Variants in IL17RA observed in about 807,000 individuals in gnomAD.
IL17RA encodes interleukin-17 receptor A.
Under a neutral mutation model 50.4 loss-of-function variants are expected in IL17RA, and 34 were observed. The ratio of observed to expected loss-of-function variants is 0.67; its 90% confidence interval spans 0.51 to 0.90. The LOEUF (loss-of-function observed/expected upper bound fraction) is 0.90. IL17RA is among the 40% of genes least tolerant of loss of function. The pLI is 0.00. For missense variants in IL17RA, 1,276 were observed against 1,169.8 expected (o/e 1.09, Z -1.32); for synonymous variants, 585 against 510.4 (o/e 1.15, Z -1.97).
intron 1 of IL17RA, among the ~76,000 whole-genome samples, chr22:17,095,666 C>T (rs1192642731): frequency 6.6e-6 from 1 of 151,992 alleles, no homozygotes; most frequent in African/African-American, 2.4e-5. Flanking sequence ...GGGAGTTAAT[C>T]TTCTCGCCAT....
Position 17,088,609 on chromosome 22 carries a change from C to T in IL17RA, c.138+3380C>T, listed in dbSNP as rs41469546. 6.4e-3 allele frequency among the ~76,000 whole-genome samples: 977 copies of T among 152,250 alleles called. 8 individuals are homozygous for T. The highest frequency in any genetic ancestry group is 7.6e-3 in the Non-Finnish European group (516 of 68,000). Reference sequence around the variant, plus strand: ...TGAGCGATTCTTCTGCCTCAGCCTCCCAAGTAGCTGGGACTAGCAGGCATG... The same window carrying T: ...TGAGCGATTCTTCTGCCTCAGCCTCTCAAGTAGCTGGGACTAGCAGGCATG... On this transcript the variant is annotated intron_variant, in intron 1 of 12. Transcript: ENST00000319363.
At chr22:17,099,810 A>G (rs1334145467) in intron 4 of IL17RA, among the ~76,000 whole-genome samples, 1 of 152,146 alleles carries the variant, frequency 6.6e-6, no homozygotes, top group East Asian at 1.9e-4. Context: ...CCCAGAAAAT[A>G]ACTTAGCACA....
chr22:17,104,421 C>T (rs1284986853), intron 8 of IL17RA, among the ~76,000 whole-genome samples: 2 of 151,864 alleles, frequency 1.3e-5, no homozygotes, highest in Non-Finnish European at 2.9e-5. Context: ...GAGTGGGGAG[C>T]GTGCACAGTC....
At position 17,108,586 on chromosome 22, in the gene IL17RA, A is replaced by G; in HGVS notation, c.1367A>G (p.Gln456Arg). ...TCCCGCGGCACGCGCGCCAAGTGGC[A>G]GGCGCTCCTGGGCCGGGGGGCGCCT... ...LCSRGTRAKW[Q>R]ALLGRGAPVR... is the part of the protein sequence containing the mutation. Residue 456 changes from glutamine to arginine, a missense_variant, in exon 13 of 13, where the codon CAG (glutamine) becomes CGG (arginine). Gln to Arg is a conservative substitution (Grantham distance 43). Transcript: ENST00000319363. 6.2e-7 allele frequency: 1 copy of G among 1,605,666 alleles called. No individual in the cohort carries two copies. Among genetic ancestry groups the G allele is most frequent in the Non-Finnish European group, 8.5e-7 (1 of 1,179,778 alleles).
chr22:17,097,864 G>A lies in IL17RA; in HGVS notation c.231G>A (p.Gln77=). 1 of 1,614,192 alleles carries A rather than the reference G, an allele frequency of 6.2e-7. No homozygotes were observed. The highest frequency in any genetic ancestry group is 1.1e-5 in the South Asian group (1 of 91,084). Reference sequence around the variant, plus strand: ...CCCCCTCCTCCCCAAAGGACCTGCAGATCCAGCTGCACTTTGCCCACACCC... The same window carrying A: ...CCCCCTCCTCCCCAAAGGACCTGCAAATCCAGCTGCACTTTGCCCACACCC... ...NLTPSSPKDL[Q]IQLHFAHTQQ... Residue 77 remains glutamine, a synonymous_variant, in exon 3 of 13, where the codon CAG becomes CAA. Coordinates refer to ENST00000319363, the MANE Select transcript of IL17RA (RefSeq NM_014339.7).
Position 17,112,442 on chromosome 22 carries a change from C to T in IL17RA, c.*2622C>T, listed in dbSNP as rs1308227696. Reference sequence around the variant, plus strand: ...GAAATCCAGCCCCCCTTAGTCACCACCCCAACCTCCCCATCCCTAGGCACC... The same window carrying T: ...GAAATCCAGCCCCCCTTAGTCACCATCCCAACCTCCCCATCCCTAGGCACC... On this transcript the variant is annotated 3_prime_UTR_variant, in exon 13 of 13. Transcript: ENST00000319363. 1.3e-5 allele frequency: 2 copies of T among 152,014 alleles called. No homozygotes were observed. The highest frequency in any genetic ancestry group is 2.4e-5 in the African/African-American group (1 of 41,346). The allele number at this position is 152,014 out of a possible 1,614,324, so 9.4% of individuals were successfully genotyped here. A position where few individuals can be genotyped will look rare whatever the true frequency, so the allele number is the denominator to read the frequency against.
chr22:17,097,697 G>A, intron 2 of IL17RA, 100 bp from the exon 3 acceptor site: 2 of 1,457,002 alleles, frequency 1.4e-6, no homozygotes, highest in Non-Finnish European at 1.9e-6. Flanking sequence ...AAGGCCGCGG[G>A]CCCCTGAGCT....
At chr22:17,101,322 G>T (rs1195338609) in intron 5 of IL17RA, among the ~76,000 whole-genome samples, 1 of 152,206 alleles carries the variant, frequency 6.6e-6, no homozygotes, top group Non-Finnish European at 1.5e-5. Flanking sequence ...GTTAAGGATG[G>T]TGTTGACCTT....
At chr22:17,086,135 AG>A (rs1440172563) in intron 1 of IL17RA, among the ~76,000 whole-genome samples, 1 of 152,004 alleles carries the variant, frequency 6.6e-6, no homozygotes, top group Non-Finnish European at 1.5e-5. Context: ...GACCATCTTA[AG>A]GAAAAAAACA....
rs983664793 is a variant in IL17RA at position 17,111,764 on chromosome 22, A to G, written c.*1944A>G. On this transcript the variant is annotated 3_prime_UTR_variant, in exon 13 of 13. Transcript: ENST00000319363. ...CACACATACATGTGCGTGAAAGATT[A>G]TCAATAAAAGTGCATAAATTTGTTG... 1 of 152,182 alleles carries G rather than the reference A, an allele frequency of 6.6e-6. No individual in the cohort carries two copies. The allele number at this position is 152,182 out of a possible 1,614,324, so 9.4% of individuals were successfully genotyped here.
intron 10 of IL17RA, 36 bp from the exon 11 acceptor site, chr22:17,105,817 C>A (rs747318139): frequency 1.1e-5 from 17 of 1,545,646 alleles, no homozygotes; most frequent in Admixed American, 1.8e-5. Flanking sequence ...CAGGGCAGGC[C>A]CCGCCGCATC....
At position 17,097,757 on chromosome 22, in the gene IL17RA, G is replaced by A. The variant is rs111613970; in HGVS notation, c.164-40G>A. ...TGCTGCTGGGGCATCTCAGGGTCTC[G>A]GCTATAAGTCTCTGAATGTTGCTTT... On this transcript the variant is annotated intron_variant, in intron 2 of 12. Transcript: ENST00000319363. 2.2e-5 allele frequency: 35 copies of A among 1,612,864 alleles called. No individual in the cohort carries two copies. In the African/African-American group the frequency reaches 3.9e-4, roughly 18 times the overall value.
chr22:17,095,332 A>C (rs774706083), intron 1 of IL17RA, among the ~76,000 whole-genome samples: 2 of 152,200 alleles, frequency 1.3e-5, no homozygotes, highest in Non-Finnish European at 2.9e-5. Context: ...AAGACCAAAA[A>C]CAGTATTCCA....
chr22:17,092,783 T>C (rs1224298012), intron 1 of IL17RA, among the ~76,000 whole-genome samples: 1 of 152,208 alleles, frequency 6.6e-6, no homozygotes, highest in Non-Finnish European at 1.5e-5. Flanking sequence ...TTAATCTCCT[T>C]CTAGAAATCT....
Position 17,110,050 on chromosome 22 carries a change from T to G in IL17RA, c.*230T>G. 1 of 579,312 alleles carries G rather than the reference T, an allele frequency of 1.7e-6. No individual in the cohort carries two copies. Among genetic ancestry groups the G allele is most frequent in the South Asian group, 2.0e-5 (1 of 49,426 alleles). The allele number at this position is 579,312 out of a possible 1,614,324, so 35.9% of individuals were successfully genotyped here. A position where few individuals can be genotyped will look rare whatever the true frequency, so the allele number is the denominator to read the frequency against. ...ATCCACACAGCCCGCTCCCAGGAGC[T>G]AATGGTAGAGCGTCCTTGAGGCTCC... is the stretch of plus-strand genomic sequence containing the variant. On this transcript the variant is annotated 3_prime_UTR_variant, in exon 13 of 13. Transcript: ENST00000319363.
chr22:17,106,811 G>T (rs570479303), intron 11 of IL17RA, among the ~76,000 whole-genome samples: 3 of 152,188 alleles, frequency 2.0e-5, no homozygotes, highest in African/African-American at 4.8e-5. Context: ...GTAGCATCTC[G>T]GCCAGTGCTC....
At chr22:17,100,613 C>T in intron 5 of IL17RA, 132 bp downstream of exon 5, 2 of 1,160,832 alleles carry the variant, frequency 1.7e-6, no homozygotes, top group Non-Finnish European at 2.5e-6. Context: ...ACCCACAGAA[C>T]AAACAGAGGC....
intron 10 of IL17RA, 26 bp from the exon 11 acceptor site, chr22:17,105,823 GCATC>G: frequency 6.4e-7 from 1 of 1,550,450 alleles, no homozygotes; most frequent in Non-Finnish European, 8.8e-7. Flanking sequence ...AGGCCCCGCC[GCATC>G]ACTCACGCTG....
At position 17,086,554 on chromosome 22, in the gene IL17RA, C is replaced by T. The variant is rs1263414764; in HGVS notation, c.138+1325C>T. Among the ~76,000 whole-genome samples, 4 of 152,038 alleles carry T rather than the reference C, an allele frequency of 2.6e-5. No homozygotes were observed. In the East Asian group the frequency reaches 7.7e-4, roughly 29 times the overall value. ...CCATTGGTCAGGTGCCTGCAGAGTACAGGGCGCCATACTGGGAACTGGAAC... is the reference window on the plus strand; with the variant it reads ...CCATTGGTCAGGTGCCTGCAGAGTATAGGGCGCCATACTGGGAACTGGAAC... On this transcript the variant is annotated intron_variant, in intron 1 of 12. Transcript: ENST00000319363.
Sources: gnomAD v4.1 joint callset for allele counts (sites outside exome capture counted in the v4.1 genomes callset) on GRCh38, gnomAD v4.1.1 for gene constraint, MANE v1.5 for transcripts, NCBI Gene and HGNC (gene_info 2026-07-23, HGNC 2026-07-21) for gene names.